LINGO1: variants seen among roughly 807,000 people sequenced by gnomAD.
LINGO1 encodes leucine rich repeat and Ig domain containing 1, also known as leucine-rich repeat and immunoglobulin-like domain-containing nogo receptor-interacting protein 1.
A neutral mutation model predicts 37.3 loss-of-function variants in LINGO1; 11 were observed. That is an observed-to-expected ratio of 0.29 (90% CI 0.19 to 0.49). The LOEUF (loss-of-function observed/expected upper bound fraction) is 0.49. LINGO1 is among the 20% of genes least tolerant of loss of function. The probability of loss-of-function intolerance (pLI) is 0.99; values close to 1 mark genes in which losing one functional copy is unlikely to be tolerated. For missense variants in LINGO1, 585 were observed against 878.2 expected, an observed-to-expected ratio of 0.67 and a Z score of 4.22; for synonymous variants, 387 against 403.0, an observed-to-expected ratio of 0.96 and a Z score of 0.48.
chr15:77,721,513 C>A (rs1012640933), intron 2 of LINGO1, among the ~76,000 whole-genome samples: 6 of 152,338 alleles, frequency 3.9e-5, no homozygotes, highest in Middle Eastern at 3.4e-3. Flanking sequence ...TACACCGCAG[C>A]TTCACGACAT....
intron 1 of LINGO1, among the ~76,000 whole-genome samples, chr15:77,691,089 G>T (rs1234649248): frequency 1.3e-5 from 2 of 152,200 alleles, no homozygotes; most frequent in East Asian, 3.8e-4. Flanking sequence ...TCTCTGCACT[G>T]TCCAATATGG....
chr15:77,723,573 G>A (rs1201133016), intron 2 of LINGO1, among the ~76,000 whole-genome samples: 1 of 152,208 alleles, frequency 6.6e-6, no homozygotes, highest in African/African-American at 2.4e-5. Context: ...CCTTTTAGTT[G>A]GGGAAACTGA....
chr15:77,664,539 C>T (rs1369835727), intron 3 of LINGO1, among the ~76,000 whole-genome samples: 1 of 152,150 alleles, frequency 6.6e-6, no homozygotes, highest in East Asian at 1.9e-4. Flanking sequence ...GTCAGGAGAG[C>T]AGTGTAAGTG....
intron 2 of LINGO1, among the ~76,000 whole-genome samples, chr15:77,703,770 C>A (rs927059655): frequency 1.3e-5 from 2 of 152,112 alleles, no homozygotes; most frequent in Admixed American, 6.5e-5. Flanking sequence ...CTGCTGGTGA[C>A]AGGACCTGCC....
At chr15:77,671,653 C>T (rs2075251315) in intron 3 of LINGO1, among the ~76,000 whole-genome samples, 1 of 152,354 alleles carries the variant, frequency 6.6e-6, no homozygotes, top group East Asian at 1.9e-4. Flanking sequence ...CAGCGGTGGG[C>T]AGGAAGGCGG....
upstream of LINGO1, among the ~76,000 whole-genome samples, chr15:77,698,799 C>T (rs992490676): frequency 2.0e-5 from 3 of 152,094 alleles, no homozygotes; most frequent in Non-Finnish European, 4.4e-5. Context: ...TGAGAAGGGT[C>T]GGGTGGGCAC....
Position 77,632,273 on chromosome 15 carries a change from T to G in LINGO1, c.6+37A>C. ...CCCCCAGGGGCACTCGCCGCGGGGCTGCCCGCTCGGGGCTCGGCCGCGGCC... is the reference window on the plus strand; with the variant it reads ...CCCCCAGGGGCACTCGCCGCGGGGCGGCCCGCTCGGGGCTCGGCCGCGGCC... On this transcript the variant is annotated intron_variant, in intron 1 of 1. Transcript: ENST00000355300. This position sits in a 1 kb window ranked among gnomAD's most constrained non-coding sequence, Gnocchi z 6.0. 7.2e-7 allele frequency: 1 copy of G among 1,394,224 alleles called. No individual in the cohort carries two copies. The highest frequency in any genetic ancestry group is 9.3e-7 in the Non-Finnish European group (1 of 1,076,302). 86.4% of individuals were successfully genotyped at this position (1,394,224 alleles called of 1,614,324 possible). A position where few individuals can be genotyped will look rare whatever the true frequency, so the allele number is the denominator to read the frequency against.
chr15:77,615,074 A>G lies in LINGO1; in HGVS notation c.833T>C (p.Val278Ala). The change falls in exon 2 of 2, where the codon GTG becomes GCG. Residue 278 changes from valine to alanine, a missense_variant. Val to Ala is a moderately conservative substitution (Grantham distance 64). Transcript: ENST00000355300. ...TAGGTGGCGGACGGCCAGGTAGGGC[A>G]CAGCGGTCAGATTGCAGTGTGTGAT... ...LSITHCNLTA[V>A]PYLAVRHLVY... The G allele has an allele frequency of 6.2e-7, 1 of 1,614,022 alleles. No individual in the cohort carries two copies. The highest frequency in any genetic ancestry group is 1.1e-5 in the South Asian group (1 of 91,082).
At chr15:77,716,679 A>G (rs1714821113) in intron 2 of LINGO1, among the ~76,000 whole-genome samples, 1 of 150,220 alleles carries the variant, frequency 6.7e-6, no homozygotes, top group Admixed American at 6.7e-5. Flanking sequence ...CCTCCTCCCA[A>G]GCCAAGATGG....
At chr15:77,803,898 T>A (rs1250397119) in intron 1 of LINGO1, among the ~76,000 whole-genome samples, 1 of 152,234 alleles carries the variant, frequency 6.6e-6, no homozygotes, top group Non-Finnish European at 1.5e-5. Flanking sequence ...AATTTCTTTA[T>A]AGCAACACAA....
intron 1 of LINGO1, among the ~76,000 whole-genome samples, chr15:77,816,396 T>A (rs2077048186): frequency 6.6e-6 from 1 of 152,178 alleles, no homozygotes; most frequent in African/African-American, 2.4e-5. Flanking sequence ...CTGAGACTGG[T>A]CAGGGTAGCC....
chr15:77,801,235 G>T (rs1318893044), intron 1 of LINGO1, among the ~76,000 whole-genome samples: 2 of 152,174 alleles, frequency 1.3e-5, no homozygotes, highest in African/African-American at 2.4e-5. Context: ...AACATTGCTG[G>T]TAAGACCGAA....
intron 3 of LINGO1, chr15:77,647,905 G>T (rs1478450206): frequency 2.2e-6 from 1 of 456,636 alleles, no homozygotes; most frequent in South Asian, 1.5e-5. Context: ...TGGCTACGTT[G>T]CACATTCCCC....
At chr15:77,711,073 C>T (rs1164307400) in intron 2 of LINGO1, among the ~76,000 whole-genome samples, 2 of 152,172 alleles carry the variant, frequency 1.3e-5, no homozygotes, top group African/African-American at 2.4e-5. Context: ...GCCCTCCCTT[C>T]TTCCCCTCCA....
At chr15:77,726,210 G>T (rs1389128142) in intron 2 of LINGO1, among the ~76,000 whole-genome samples, 1 of 152,210 alleles carries the variant, frequency 6.6e-6, no homozygotes, top group African/African-American at 2.4e-5. Context: ...CCTCCTGAGT[G>T]AACTGAGCAC....
At chr15:77,716,267 T>TCTC (rs962844016) in intron 2 of LINGO1, among the ~76,000 whole-genome samples, 8 of 126,946 alleles carry the variant, frequency 6.3e-5, no homozygotes, top group African/African-American at 2.2e-4. Context: ...CTATTTTCTT[T>TCTC]CTTCTTCTTC....
chr15:77,689,381 C>T (rs750715054), intron 2 of LINGO1, among the ~76,000 whole-genome samples: 11 of 152,200 alleles, frequency 7.2e-5, no homozygotes, highest in African/African-American at 1.7e-4. Context: ...CGCCTCCCTG[C>T]GCTAAAGGGT....
chr15:77,773,650 A>G (rs1159709426), intron 1 of LINGO1, among the ~76,000 whole-genome samples: 2 of 152,118 alleles, frequency 1.3e-5, no homozygotes, highest in African/African-American at 4.8e-5. Context: ...ACAGAAGCTG[A>G]CCAAGGCCGC....
chr15:77,706,975 ATGGCTG>A (rs1257128483), intron 2 of LINGO1, among the ~76,000 whole-genome samples: 2 of 152,258 alleles, frequency 1.3e-5, no homozygotes, highest in Admixed American at 1.3e-4. Context: ...GGCAATGCCC[ATGGCTG>A]TGGCTGTGCC....
Sources: gnomAD v4.1 joint callset for allele counts (sites outside exome capture counted in the v4.1 genomes callset) on GRCh38, gnomAD v4.1.1 for gene constraint, Gnocchi (gnomAD v3.1) non-coding constraint, MANE v1.5 for transcripts, NCBI Gene and HGNC (gene_info 2026-07-23, HGNC 2026-07-21) for gene names.